SLC35D4: variants seen among roughly 807,000 people sequenced by gnomAD.
SLC35D4 encodes solute carrier family 35 member D4, also known as UDP-N-acetylglucosamine transporter SLC35D4.
the SLC35D4 span, among the ~76,000 whole-genome samples, chr18:23,420,825 A>G: frequency 2.6e-5 from 4 of 152,232 alleles, no homozygotes; most frequent in Non-Finnish European, 4.4e-5. Flanking sequence ...CACTACATCA[A>G]TGTATCAGTT....
At chr18:23,246,505 C>T in the SLC35D4 span, among the ~76,000 whole-genome samples, 2 of 152,068 alleles carry the variant, frequency 1.3e-5, no homozygotes, top group East Asian at 1.9e-4. Flanking sequence ...CATTCTCCTG[C>T]GTCAGCCTCC....
the SLC35D4 span, among the ~76,000 whole-genome samples, chr18:23,292,179 A>G: frequency 6.6e-6 from 1 of 152,204 alleles, no homozygotes; most frequent in African/African-American, 2.4e-5. Flanking sequence ...TTGGGCATGC[A>G]GACCCAGTGA....
chr18:23,353,076 AGTGTGTGTGTGTGTGTGTGTGT>A, the SLC35D4 span, among the ~76,000 whole-genome samples: 1 of 126,522 alleles, frequency 7.9e-6, no homozygotes. Context: ...TGAGACAGAC[AGTGTGTGTGTGTGTGTGTGTGT>A]GTGTGTGTGT....
At chr18:23,365,603 A>G in the SLC35D4 span, 30 of 1,611,958 alleles carry the variant, frequency 1.9e-5, no homozygotes, top group Non-Finnish European at 2.4e-5. Flanking sequence ...TGTCAAACAG[A>G]CAAACAAAAC....
the SLC35D4 span, among the ~76,000 whole-genome samples, chr18:23,294,585 C>A: frequency 4.6e-5 from 7 of 152,092 alleles, no homozygotes; most frequent in African/African-American, 1.2e-4. Flanking sequence ...CATAGTGAGA[C>A]CCCATCTCTA....
chr18:23,384,456 C>T, the SLC35D4 span, among the ~76,000 whole-genome samples: 1 of 152,154 alleles, frequency 6.6e-6, no homozygotes, highest in East Asian at 1.9e-4. Flanking sequence ...CAGGAAATGG[C>T]TGGAAGCAGT....
At chr18:23,265,166 T>G in the SLC35D4 span, among the ~76,000 whole-genome samples, 1 of 152,194 alleles carries the variant, frequency 6.6e-6, no homozygotes, top group Non-Finnish European at 1.5e-5. Flanking sequence ...GCACCCAGGT[T>G]TCCTTGCCCT....
chr18:23,403,485 G>A, the SLC35D4 span, among the ~76,000 whole-genome samples: 2 of 152,192 alleles, frequency 1.3e-5, no homozygotes, highest in African/African-American at 4.8e-5. Context: ...CATAAACACG[G>A]CATGTGCAAA....
the SLC35D4 span, among the ~76,000 whole-genome samples, chr18:23,352,815 A>T: frequency 6.6e-6 from 1 of 152,186 alleles, no homozygotes; most frequent in Non-Finnish European, 1.5e-5. Flanking sequence ...CTGCCATAGG[A>T]GGTATGCTTT....
the SLC35D4 span, among the ~76,000 whole-genome samples, chr18:23,383,373 G>A: frequency 4.0e-3 from 604 of 151,122 alleles, 3 homozygotes; most frequent in African/African-American, 0.014. Context: ...ACACAGGAAG[G>A]GAACCAAGCA....
the SLC35D4 span, among the ~76,000 whole-genome samples, chr18:23,299,614 C>T: frequency 6.6e-6 from 1 of 152,208 alleles, no homozygotes; most frequent in African/African-American, 2.4e-5. Flanking sequence ...ACAACCCCGC[C>T]CACGAGGCCA....
chr18:23,381,875 C>G, the SLC35D4 span, among the ~76,000 whole-genome samples: 19 of 152,176 alleles, frequency 1.2e-4, no homozygotes, highest in Middle Eastern at 3.2e-3. Context: ...TGTGGAGATG[C>G]CTTGATCTTA....
chr18:23,243,388 G>A, the SLC35D4 span, among the ~76,000 whole-genome samples: 1 of 151,690 alleles, frequency 6.6e-6, no homozygotes, highest in Non-Finnish European at 1.5e-5. Context: ...CCAGCTTTAG[G>A]TTAAGTGTTC....
At chr18:23,350,685 A>G in the SLC35D4 span, among the ~76,000 whole-genome samples, 5 of 152,138 alleles carry the variant, frequency 3.3e-5, no homozygotes, top group Non-Finnish European at 5.9e-5. Context: ...TCAAGCTAGT[A>G]AAGCTACTGG....
chr18:23,436,033 CTT>C, the SLC35D4 span, among the ~76,000 whole-genome samples: 572 of 96,244 alleles, frequency 5.9e-3, no homozygotes, highest in African/African-American at 0.019. Context: ...AACACTTTCT[CTT>C]TTTTTTTTTT....
the SLC35D4 span, among the ~76,000 whole-genome samples, chr18:23,298,535 T>C: frequency 1.3e-5 from 2 of 152,198 alleles, no homozygotes; most frequent in East Asian, 3.9e-4. Context: ...AAGGTGAAAA[T>C]ACAAGTGGGG....
chr18:23,326,749 A>G, the SLC35D4 span, among the ~76,000 whole-genome samples: 12 of 152,222 alleles, frequency 7.9e-5, no homozygotes, highest in African/African-American at 2.9e-4. Flanking sequence ...CAGAATACAC[A>G]TTCTTCTCAG....
the SLC35D4 span, among the ~76,000 whole-genome samples, chr18:23,292,221 T>C: frequency 3.9e-5 from 6 of 152,234 alleles, no homozygotes; most frequent in African/African-American, 1.4e-4. Flanking sequence ...ACATTGTCTC[T>C]CAGGGTCTGG....
the SLC35D4 span, among the ~76,000 whole-genome samples, chr18:23,368,970 T>C: frequency 1.3e-5 from 2 of 152,206 alleles, no homozygotes; most frequent in South Asian, 4.1e-4. Flanking sequence ...ACATGTACAT[T>C]TGTCACTTTC....
Sources: allele counts gnomAD v4.1 joint callset (sites outside exome capture counted in the v4.1 genomes callset), GRCh38; gene constraint gnomAD v4.1.1; transcripts MANE v1.5; gene names NCBI Gene and HGNC (gene_info 2026-07-23, HGNC 2026-07-21).